SMARCAD1: variants seen among roughly 807,000 people sequenced by gnomAD.
The protein encoded by SMARCAD1 is SNF2 related chromatin remodeling ATPase with DExD box 1.
Under a neutral mutation model 127.1 loss-of-function variants are expected in SMARCAD1, and 25 were observed. The ratio of observed to expected loss-of-function variants is 0.20; its 90% CI spans 0.14 to 0.27. The LOEUF is 0.27. Ranked by LOEUF, SMARCAD1 falls within the 10% of genes least tolerant of loss-of-function variation. The pLI is 1.00. For synonymous variants in SMARCAD1, 400 were observed against 396.9 expected, an observed-to-expected ratio of 1.01 and a Z score of -0.09; for missense variants, 807 against 1,206.0, an observed-to-expected ratio of 0.67 and a Z score of 4.90.
rs1322250865 is a variant in SMARCAD1 at position 94,273,649 on chromosome 4, T to C, written c.1605T>C (p.Phe535=). ...GAAAAACTATTCAAGCCATTGCATT[T>C]CTGGCATACCTCTATCAGGAGGGTA... ...GLGKTIQAIA[F]LAYLYQEGNN... The change falls in exon 12 of 24, where the codon TTT becomes TTC. Residue 535 remains phenylalanine, a synonymous_variant. Coordinates refer to ENST00000354268, the MANE Select transcript of SMARCAD1 (RefSeq NM_020159.5). The C allele has an allele frequency of 1.9e-6, 3 of 1,613,946 alleles. No individual in the cohort carries two copies. The highest frequency in any genetic ancestry group is 2.5e-6 in the Non-Finnish European group (3 of 1,179,898).
intron 15 of SMARCAD1, among the ~76,000 whole-genome samples, chr4:94,276,696 C>A (rs1212939273): frequency 6.6e-6 from 1 of 152,056 alleles, no homozygotes; most frequent in African/African-American, 2.4e-5. Flanking sequence ...TTTAACAACC[C>A]TTTAAAAAAT....
chr4:94,263,327 A>T lies in SMARCAD1; in HGVS notation c.1282-1380A>T, dbSNP rs562324508. 6.5e-3 allele frequency among the ~76,000 whole-genome samples: 996 copies of T among 152,244 alleles called. 4 individuals carry two copies. The highest frequency in any genetic ancestry group is 0.054 in the Middle Eastern group (16 of 294). On this transcript the variant is annotated intron_variant, in intron 9 of 23. Coordinates refer to ENST00000354268, the MANE Select transcript of SMARCAD1 (RefSeq NM_020159.5). ...AAAAGTATTTTAGCTAAAAGTTCTA[A>T]TAGAACCTCCTTAAGACACTGATTG... is the stretch of plus-strand genomic sequence containing the variant.
chr4:94,249,411 T>C (rs1186870234), intron 6 of SMARCAD1, among the ~76,000 whole-genome samples: 1 of 152,052 alleles, frequency 6.6e-6, no homozygotes, highest in African/African-American at 2.4e-5. Flanking sequence ...TTTTAAGCAC[T>C]GAGAATAAAG....
intron 2 of SMARCAD1, 123 bp downstream of exon 2, chr4:94,208,707 C>G: frequency 1.1e-6 from 1 of 938,622 alleles, no homozygotes; most frequent in Non-Finnish European, 1.7e-6. Context: ...GCGGTGTGCC[C>G]TTTTAAATAC....
chr4:94,264,933 G>A (rs769903165), intron 10 of SMARCAD1, 27 bp downstream of exon 10: 6 of 1,574,770 alleles, frequency 3.8e-6, no homozygotes, highest in South Asian at 1.1e-5. Flanking sequence ...ATATTTATTC[G>A]TATTTTATCT....
intron 14 of SMARCAD1, among the ~76,000 whole-genome samples, chr4:94,275,805 T>TATTTTATTTTATTTA (rs1753201770): frequency 6.9e-6 from 1 of 144,910 alleles, no homozygotes; most frequent in African/African-American, 2.6e-5. Flanking sequence ...TCTTTTTTTT[T>TATTTTATTTTATTTA]TTTTTTTTTG....
At chr4:94,256,183 G>A (rs1750047231) in intron 9 of SMARCAD1, among the ~76,000 whole-genome samples, 1 of 152,094 alleles carries the variant, frequency 6.6e-6, no homozygotes, top group African/African-American at 2.4e-5. Flanking sequence ...AATGCGACAT[G>A]CATCAGTAAC....
At chr4:94,257,027 G>A (rs1750204530) in intron 9 of SMARCAD1, among the ~76,000 whole-genome samples, 1 of 152,168 alleles carries the variant, frequency 6.6e-6, no homozygotes, top group Admixed American at 6.5e-5. Context: ...TACAGTAAGA[G>A]TGACACACTG....
chr4:94,228,277 C>T (rs1745314945), intron 3 of SMARCAD1, among the ~76,000 whole-genome samples: 1 of 152,106 alleles, frequency 6.6e-6, no homozygotes, highest in Non-Finnish European at 1.5e-5. Context: ...ATTATCAACT[C>T]TCACAGTCTT....
intron 9 of SMARCAD1, chr4:94,253,378 G>C: frequency 7.8e-7 from 1 of 1,275,802 alleles, no homozygotes; most frequent in South Asian, 1.3e-5. Context: ...CAGAAAGCAA[G>C]AATGTGGCAG....
rs114678103 is a variant in SMARCAD1 at position 94,252,366 on chromosome 4, G to A, written c.890-250G>A. Among the ~76,000 whole-genome samples the A allele has an allele frequency of 4.8e-3, 728 of 152,250 alleles. 6 individuals carry two copies. Among genetic ancestry groups the A allele is most frequent in the African/African-American group, 0.016 (675 of 41,530 alleles). Reference sequence around the variant, plus strand: ...ACGCAGCTGCCATTTGTGTTCTCAGGACCTTTGTTAGAAAACAGAGATTTA... The same window carrying A: ...ACGCAGCTGCCATTTGTGTTCTCAGAACCTTTGTTAGAAAACAGAGATTTA... On this transcript the variant is annotated intron_variant, in intron 8 of 23. Transcript: ENST00000354268.
intron 3 of SMARCAD1, among the ~76,000 whole-genome samples, chr4:94,231,519 T>C (rs11944297): frequency 0.01 from 1,575 of 152,336 alleles, 24 homozygotes; most frequent in African/African-American, 0.035. Context: ...AAAGAACACC[T>C]GTATACCTTC....
At chr4:94,210,982 C>T (rs1285977656) in intron 2 of SMARCAD1, among the ~76,000 whole-genome samples, 1 of 136,190 alleles carries the variant, frequency 7.3e-6, no homozygotes, top group Non-Finnish European at 1.6e-5. Context: ...AAATAAGAAT[C>T]GAAGGTCTGG....
chr4:94,249,531 G>A, intron 6 of SMARCAD1, 123 bp from the exon 7 acceptor site: 1 of 663,574 alleles, frequency 1.5e-6, no homozygotes, highest in Non-Finnish European at 2.7e-6. Context: ...AAAAGAAACA[G>A]TTTGGATTCT....
Position 94,280,762 on chromosome 4 carries a change from G to A in SMARCAD1, c.2589G>A (p.Leu863=). Residue 863 remains leucine (L), a synonymous_variant, in exon 20 of 24, where the codon TTG becomes TTA. Coordinates refer to ENST00000354268, the MANE Select transcript of SMARCAD1 (RefSeq NM_020159.5). ...SGKFRVLGCI[L]SELKQKGDRV... is the part of the protein sequence containing the mutation. ...AATTTCGAGTTTTAGGATGCATCTT[G>A]TCTGAATTGAAACAGAAGGTATTAA... 6.2e-7 allele frequency: 1 copy of A among 1,613,630 alleles called. No homozygotes were observed. The highest frequency in any genetic ancestry group is 8.5e-7 in the Non-Finnish European group (1 of 1,179,796).
At chr4:94,279,188 T>A in intron 19 of SMARCAD1, 138 bp downstream of exon 19, 1 of 1,097,036 alleles carries the variant, frequency 9.1e-7, no homozygotes, top group Non-Finnish European at 1.3e-6. Flanking sequence ...AGACCAGGTC[T>A]GGTTCTGTTG....
At chr4:94,278,756 T>C in intron 18 of SMARCAD1, 23 bp downstream of exon 18, 1 of 1,609,430 alleles carries the variant, frequency 6.2e-7, no homozygotes, top group Non-Finnish European at 8.5e-7. Flanking sequence ...TTTTACTCTT[T>C]TATGTGAAAA....
chr4:94,279,931 C>A (rs1159766738), intron 19 of SMARCAD1, among the ~76,000 whole-genome samples: 1 of 151,892 alleles, frequency 6.6e-6, no homozygotes, highest in Non-Finnish European at 1.5e-5. Flanking sequence ...ATGGCATGAT[C>A]TCTGCTCACT....
At chr4:94,260,987 G>C (rs1359010594) in intron 9 of SMARCAD1, among the ~76,000 whole-genome samples, 6 of 152,016 alleles carry the variant, frequency 3.9e-5, no homozygotes, top group Non-Finnish European at 5.9e-5. Flanking sequence ...GGAAGTTTCA[G>C]CTATGAAGGA....
Sources: gnomAD v4.1 joint callset for allele counts (sites outside exome capture counted in the v4.1 genomes callset) on GRCh38, gnomAD v4.1.1 for gene constraint, MANE v1.5 for transcripts, NCBI Gene and HGNC (gene_info 2026-07-23, HGNC 2026-07-21) for gene names.